The following ACOD1 variants were observed in gnomAD, a reference collection of about 807,000 sequenced individuals.
ACOD1 encodes aconitate decarboxylase 1, also known as cis-aconitate decarboxylase.
Under a neutral mutation model 14.2 loss-of-function variants are expected in ACOD1, and 14 were observed. The observed-to-expected ratio is 0.99, with a 90% CI of 0.65 to 1.54. The LOEUF is 1.54. Among genes scored for constraint, ACOD1 ranks in the 40% most tolerant of loss-of-function variants. The pLI, the probability that ACOD1 is intolerant of heterozygous loss-of-function variation, is 0.00. For synonymous variants in ACOD1, 182 were observed against 221.7 expected (o/e 0.82, Z 1.59); for missense variants, 530 against 586.3 (o/e 0.90, Z 0.99).
At chr13:76,955,202 C>T in intron 3 of ACOD1, 117 bp from the exon 4 acceptor site, 1 of 590,726 alleles carries the variant, frequency 1.7e-6, no homozygotes, top group East Asian at 3.6e-5. Context: ...AGAATCAGAT[C>T]AAAAGAATCT....
At position 76,958,079 on chromosome 13, in the gene ACOD1, T is replaced by A. The variant is rs1176955146; in HGVS notation, c.*94T>A. The stretch of plus-strand genomic sequence containing the variant: ...TGCTGCTTGGTTTTCCCAGGAAAAA[T>A]GAACAAAGATGGAGAGAGTCCAGAA... On this transcript the variant is annotated 3_prime_UTR_variant, in exon 5 of 5. Transcript: ENST00000377462. 40 of 1,217,086 alleles carry A rather than the reference T, an allele frequency of 3.3e-5. No individual in the cohort carries two copies. The highest frequency in any genetic ancestry group is 3.9e-5 in the Non-Finnish European group (35 of 902,826). 75.4% of individuals were successfully genotyped at this position (1,217,086 alleles called of 1,614,324 possible).
At position 76,958,593 on chromosome 13, in the gene ACOD1, C is replaced by A. The variant is rs566058837; in HGVS notation, c.*608C>A. 1 of 152,032 alleles carries A rather than the reference C, an allele frequency of 6.6e-6. No homozygotes were observed. The highest frequency in any genetic ancestry group is 1.5e-5 in the Non-Finnish European group (1 of 68,032). The allele number at this position is 152,032 out of a possible 1,614,324, so 9.4% of individuals were successfully genotyped here. A position where few individuals can be genotyped will look rare whatever the true frequency, so the allele number is the denominator to read the frequency against. ...CTAGAACCCATGGTCTTAAGCACTG[C>A]AATATATCACCTTTCAGTATAAAAA... On this transcript the variant is annotated 3_prime_UTR_variant, in exon 5 of 5. Transcript: ENST00000377462.
intron 3 of ACOD1, among the ~76,000 whole-genome samples, chr13:76,954,364 T>G (rs1251456139): frequency 1.3e-5 from 2 of 152,128 alleles, no homozygotes; most frequent in African/African-American, 4.8e-5. Flanking sequence ...CAAATAGATA[T>G]AAAAATCTAT....
At chr13:76,953,062 G>C (rs540307639) in intron 2 of ACOD1, among the ~76,000 whole-genome samples, 4 of 152,194 alleles carry the variant, frequency 2.6e-5, no homozygotes, top group Non-Finnish European at 5.9e-5. Flanking sequence ...GATCACTTGA[G>C]CCTGAGAGGT....
At chr13:76,948,740 T>A (rs1163073596) in intron 1 of ACOD1, among the ~76,000 whole-genome samples, 170 bp downstream of exon 1, 1 of 152,230 alleles carries the variant, frequency 6.6e-6, no homozygotes, top group Non-Finnish European at 1.5e-5. Flanking sequence ...ATTACTGTTT[T>A]ACAAATGAGA....
intron 2 of ACOD1, among the ~76,000 whole-genome samples, chr13:76,952,911 C>G (rs557707185): frequency 6.6e-6 from 1 of 152,084 alleles, no homozygotes; most frequent in Non-Finnish European, 1.5e-5. Context: ...GGTGGGCAGA[C>G]GGTTTGAGCC....
In ACOD1 at chr13:76,957,969, T is replaced by A; in HGVS notation, c.1430T>A (p.Ile477Asn). Residue 477 changes from isoleucine to asparagine, a missense_variant, in exon 5 of 5, where the codon ATC becomes AAC. Ile to Asn is a moderately radical substitution (Grantham distance 149). Transcript: ENST00000377462. ...ASNSPACNNSITNLS is the reference protein window; with the variant it reads ...ASNSPACNNSNTNLS ...AACTCTCCAGCATGTAATAATTCTA[T>A]CACAAATCTCTCCTGAGGCTTACCA... The A allele has an allele frequency of 1.3e-6, 2 of 1,529,430 alleles. No individual in the cohort carries two copies. Among genetic ancestry groups the A allele is most frequent in the Non-Finnish European group, 1.8e-6 (2 of 1,139,988 alleles). 94.7% of individuals were successfully genotyped at this position (1,529,430 alleles called of 1,614,324 possible).
Position 76,957,290 on chromosome 13 carries a change from C to T in ACOD1, c.751C>T (p.Pro251Ser). 1 of 1,550,610 alleles carries T rather than the reference C, an allele frequency of 6.4e-7. No individual in the cohort carries two copies. The highest frequency in any genetic ancestry group is 8.7e-7 in the Non-Finnish European group (1 of 1,146,994). Reference protein sequence around the residue: ...GFGAFYANYSPKVLPSIASYS... With the variant: ...GFGAFYANYSSKVLPSIASYS... ...TGGGGCCTTTTATGCCAACTATTCCCCAAAAGTCCTTCCAAGCATAGCTTC... is the reference window on the plus strand; with the variant it reads ...TGGGGCCTTTTATGCCAACTATTCCTCAAAAGTCCTTCCAAGCATAGCTTC... Residue 251 changes from proline (P) to serine (S), a missense_variant, in exon 5 of 5, where the codon CCA becomes TCA. By Grantham distance (74) the Pro-to-Ser change is moderately conservative. Coordinates refer to ENST00000377462, the MANE Select transcript of ACOD1 (RefSeq NM_001258406.2).
rs2033891223 is a variant in ACOD1, at chr13:76,957,545, T to TA, written c.1007dup (p.Tyr336Ter). The change falls in exon 5 of 5, where the codon TAT (tyrosine) becomes TAAT (stop). Residue 336 changes from tyrosine to a stop codon, truncating the protein, a stop_gained and frameshift_variant. Transcript: ENST00000377462. LOFTEE classifies it low-confidence loss of function (END_TRUNC). ...GCATGAAGCCCGTCATTCATTCCAG[T>TA]ATGTGGCCTGTGCCATGCTGCTTGA... is the stretch of plus-strand genomic sequence containing the variant. ...SEHEARHSFQ[Y>*]VACAMLLDGG... 6.4e-7 allele frequency: 1 copy of TA among 1,550,504 alleles called. No individual in the cohort carries two copies. Among genetic ancestry groups the TA allele is most frequent in the African/African-American group, 1.4e-5 (1 of 73,052 alleles).
At chr13:76,952,374 G>T in intron 1 of ACOD1, 115 bp from the exon 2 acceptor site, 3 of 822,566 alleles carry the variant, frequency 3.6e-6, no homozygotes, top group Non-Finnish European at 5.5e-6. Context: ...GAGCAACTGG[G>T]TTTCTTGTAG....
chr13:76,956,980 C>T (rs79145777), intron 4 of ACOD1, 30 bp from the exon 5 acceptor site: 25,065 of 1,522,686 alleles, frequency 0.016, 293 homozygotes, highest in Middle Eastern at 0.037. Flanking sequence ...ACGGTTTGTA[C>T]ATCTCCAACT....
At position 76,955,462 on chromosome 13, in the gene ACOD1, T is replaced by C. The variant is rs2033865835; in HGVS notation, c.408T>C (p.Val136=). 6.4e-7 allele frequency: 1 copy of C among 1,550,494 alleles called. No individual in the cohort carries two copies. The highest frequency in any genetic ancestry group is 1.2e-5 in the South Asian group (1 of 84,064). ...SGLDLLLAFN[V]GIEVQGRLLH... ...TTGACCTGCTGCTGGCTTTCAATGT[T>C]GGTATTGAAGTGCAAGGCCGATTAC... Residue 136 remains valine, a synonymous_variant, in exon 4 of 5, where the codon GTT becomes GTC. Transcript: ENST00000377462.
Position 76,955,503 on chromosome 13 carries a change from A to AGTT in ACOD1, c.450_451insTTG (p.Glu150_Ala151insLeu). 6.4e-7 allele frequency: 1 copy of AGTT among 1,550,692 alleles called. No individual in the cohort carries two copies. The highest frequency in any genetic ancestry group is 1.2e-5 in the South Asian group (1 of 84,066). ...GGCCGATTACTGCATTTCGCCAAGGAGGCCAATGACATGCCAAAGAGGTAT... is the reference window on the plus strand; with the variant it reads ...GGCCGATTACTGCATTTCGCCAAGGAGTTGGCCAATGACATGCCAAAGAGGTAT... On this transcript the variant is annotated inframe_insertion, in exon 4 of 5. Coordinates refer to ENST00000377462, the MANE Select transcript of ACOD1 (RefSeq NM_001258406.2).
Position 76,957,828 on chromosome 13 carries a change from T to C in ACOD1, c.1289T>C (p.Leu430Pro). The C allele has an allele frequency of 6.4e-7, 1 of 1,551,142 alleles. No homozygotes were observed. Among genetic ancestry groups the C allele is most frequent in the South Asian group, 1.2e-5 (1 of 84,068 alleles). Residue 430 changes from leucine to proline, a missense_variant, in exon 5 of 5, where the codon CTG (leucine) becomes CCG (proline). By Grantham distance (98) the Leu-to-Pro change is moderately conservative (BLOSUM62 -3). Transcript: ENST00000377462. ...EKFRANASKMLSWDTVESLIK... is the reference protein window; with the variant it reads ...EKFRANASKMPSWDTVESLIK... ...TTCAGAGCCAATGCCTCCAAGATGC[T>C]GTCCTGGGACACAGTGGAAAGCCTT...
Position 76,957,368 on chromosome 13 carries a change from C to A in ACOD1, c.829C>A (p.His277Asn). Residue 277 changes from histidine to asparagine, a missense_variant, in exon 5 of 5, where the codon CAT (histidine) becomes AAT (asparagine). By Grantham distance (68) the His-to-Asn change is moderately conservative (BLOSUM62 1). Coordinates refer to ENST00000377462, the MANE Select transcript of ACOD1 (RefSeq NM_001258406.2). Reference sequence around the variant, plus strand: ...CGTGGCCTTTAAGCGTTTTCCTGCACATTTATCTACCCACTGGGTGGCAGA... The same window carrying A: ...CGTGGCCTTTAAGCGTTTTCCTGCAAATTTATCTACCCACTGGGTGGCAGA... Reference protein sequence around the residue: ...QDVAFKRFPAHLSTHWVADAA... With the variant: ...QDVAFKRFPANLSTHWVADAA... 1.3e-6 allele frequency: 2 copies of A among 1,550,640 alleles called. No homozygotes were observed. The highest frequency in any genetic ancestry group is 1.7e-4 in the Middle Eastern group (1 of 5,992).
chr13:76,955,910 G>A (rs1418124089), intron 4 of ACOD1, among the ~76,000 whole-genome samples: 1 of 152,188 alleles, frequency 6.6e-6, no homozygotes, highest in Non-Finnish European at 1.5e-5. Context: ...ATAAAAAATG[G>A]TCAAATGTCG....
chr13:76,957,416 C>A lies in ACOD1; in HGVS notation c.877C>A (p.His293Asn), dbSNP rs1482411473. 1.3e-6 allele frequency: 2 copies of A among 1,550,652 alleles called. No homozygotes were observed. Among genetic ancestry groups the A allele is most frequent in the Non-Finnish European group, 1.7e-6 (2 of 1,147,004 alleles). ...AGACGCAGCTGCATCTGTGAGAAAG[C>A]ACCTTGTAGCAGAGAGAGCCCTGCT... ...VADAAASVRK[H>N]LVAERALLPT... The change falls in exon 5 of 5, where the codon CAC (histidine) becomes AAC (asparagine). Residue 293 changes from histidine (H) to asparagine (N), a missense_variant. Coordinates refer to ENST00000377462, the MANE Select transcript of ACOD1 (RefSeq NM_001258406.2).
chr13:76,957,639 G>T lies in ACOD1; in HGVS notation c.1100G>T (p.Ser367Ile). 6.4e-7 allele frequency: 1 copy of T among 1,550,666 alleles called. No individual in the cohort carries two copies. The highest frequency in any genetic ancestry group is 8.7e-7 in the Non-Finnish European group (1 of 1,147,016). ...AGGCCACAGGTGAGAGAGCTGCTCA[G>T]TAAGGTGGAGCTGGAGTACCCTCCG... ...INRPQVRELL[S>I]KVELEYPPDN... is the part of the protein sequence containing the mutation. Residue 367 changes from serine (S) to isoleucine (I), a missense_variant, in exon 5 of 5, where the codon AGT becomes ATT. Ser to Ile is a moderately radical substitution (Grantham distance 142). Transcript: ENST00000377462.
At chr13:76,952,170 ATCC>A (rs1296235834) in intron 1 of ACOD1, among the ~76,000 whole-genome samples, 1 of 151,990 alleles carries the variant, frequency 6.6e-6, no homozygotes, top group Non-Finnish European at 1.5e-5. Context: ...TGTCCCTTGC[ATCC>A]TCCTCCCACA....
Sources: allele counts gnomAD v4.1 joint callset (sites outside exome capture counted in the v4.1 genomes callset), GRCh38; gene constraint gnomAD v4.1.1; transcripts MANE v1.5; gene names NCBI Gene and HGNC (gene_info 2026-07-23, HGNC 2026-07-21).